HMGCL: variants seen among roughly 807,000 people sequenced by gnomAD.
HMGCL encodes the protein hydroxymethylglutaryl-CoA lyase, mitochondrial.
In HMGCL, 26 loss-of-function variants were observed where a neutral mutation model predicts 37.3. The observed-to-expected ratio is 0.70, with a 90% CI of 0.51 to 0.97. HMGCL has a LOEUF of 0.97. Among genes scored for constraint, HMGCL ranks in the 50% least tolerant of loss-of-function variants. HMGCL has a pLI of 0.00. For synonymous variants in HMGCL, 151 were observed against 148.0 expected (o/e 1.02, Z -0.15); for missense variants, 379 against 398.1 (o/e 0.95, Z 0.41).
chr1:23,817,014 G>A (rs1180210948), intron 3 of HMGCL, among the ~76,000 whole-genome samples: 1 of 152,184 alleles, frequency 6.6e-6, no homozygotes, highest in African/African-American at 2.4e-5. Flanking sequence ...TACATATGCA[G>A]AAACAGCAGG....
At chr1:23,810,503 G>A (rs1638499044) in intron 6 of HMGCL, 1 of 514,436 alleles carries the variant, frequency 1.9e-6, no homozygotes, top group Admixed American at 3.2e-5. Flanking sequence ...TGAATTGGAG[G>A]TTTTCAGGCT....
chr1:23,809,240 T>TATATATATATA (rs56844404), intron 6 of HMGCL: 1 of 82,520 alleles, frequency 1.2e-5, no homozygotes, highest in Non-Finnish European at 2.3e-5. Context: ...ATATATATAT[T>TATATATATATA]TTTTTTTTTT....
At chr1:23,824,717 G>T (rs763857758) in intron 1 of HMGCL, among the ~76,000 whole-genome samples, 1 of 152,230 alleles carries the variant, frequency 6.6e-6, no homozygotes, top group Non-Finnish European at 1.5e-5. Context: ...GAGGTTTAGA[G>T]AAAGTAAATA....
chr1:23,821,523 G>A (rs770619490), intron 1 of HMGCL, among the ~76,000 whole-genome samples: 2 of 151,992 alleles, frequency 1.3e-5, no homozygotes, highest in Non-Finnish European at 2.9e-5. Flanking sequence ...GCCAGGTGTG[G>A]TGGAATGGAC....
chr1:23,820,670 G>A (rs943017885), intron 1 of HMGCL, 77 bp from the exon 2 acceptor site: 10 of 905,180 alleles, frequency 1.1e-5, no homozygotes, highest in African/African-American at 3.3e-5. Flanking sequence ...ATGAAAGAAT[G>A]GATCTATCTT....
intron 7 of HMGCL, among the ~76,000 whole-genome samples, chr1:23,805,039 C>T (rs1340693631): frequency 6.6e-6 from 1 of 152,056 alleles, no homozygotes; most frequent in African/African-American, 2.4e-5. Context: ...ACCCCCTTCC[C>T]CATCCTCATT....
chr1:23,810,854 G>T, intron 5 of HMGCL, 55 bp from the exon 6 acceptor site: 2 of 1,434,438 alleles, frequency 1.4e-6, no homozygotes, highest in Non-Finnish European at 2.0e-6. Flanking sequence ...TTGGCTAGCA[G>T]AACTGAGGCA....
chr1:23,804,879 C>CG (rs1638374169), intron 7 of HMGCL, among the ~76,000 whole-genome samples: 1 of 123,772 alleles, frequency 8.1e-6, no homozygotes, highest in African/African-American at 3.0e-5. Flanking sequence ...ATTTATTACC[C>CG]CCCCCCCACT....
At chr1:23,813,239 T>G (rs1638553839) in intron 5 of HMGCL, among the ~76,000 whole-genome samples, 1 of 145,952 alleles carries the variant, frequency 6.9e-6, no homozygotes, top group African/African-American at 2.5e-5. Context: ...TTTTTTTTTT[T>G]TTTTTTTTTT....
At chr1:23,824,893 A>C (rs1210975348) in intron 1 of HMGCL, among the ~76,000 whole-genome samples, 2 of 152,234 alleles carry the variant, frequency 1.3e-5, no homozygotes, top group African/African-American at 4.8e-5. Context: ...TTCCAAGGGA[A>C]TCACAGCTTG....
chr1:23,815,274 C>T (rs190121300), intron 4 of HMGCL, among the ~76,000 whole-genome samples: 25 of 151,822 alleles, frequency 1.6e-4, no homozygotes, highest in East Asian at 9.8e-4. Flanking sequence ...CCTGGGAAAA[C>T]GGAGGCAAAG....
Position 23,825,126 on chromosome 1 carries a change from G to T in HMGCL, c.60+230C>A, listed in dbSNP as rs143166383. Among the ~76,000 whole-genome samples, 274 of 152,288 alleles carry T rather than the reference G, an allele frequency of 1.8e-3. 2 individuals carry two copies. Among genetic ancestry groups the T allele is most frequent in the African/African-American group, 6.4e-3 (264 of 41,560 alleles). ...TCAGGGCACCTAGGATGGCGTCCCA[G>T]GTCTCCATGACCCAGACAAGTCACT... On this transcript the variant is annotated intron_variant, in intron 1 of 8. Transcript: ENST00000374490.
intron 1 of HMGCL, 63 bp downstream of exon 1, chr1:23,825,293 G>T: frequency 7.3e-7 from 1 of 1,378,132 alleles, no homozygotes; most frequent in Non-Finnish European, 1.0e-6. Context: ...CACGGGCCAA[G>T]CCCCCAACCC....
chr1:23,813,565 GC>G (rs1391896279), intron 5 of HMGCL, among the ~76,000 whole-genome samples: 1 of 152,072 alleles, frequency 6.6e-6, no homozygotes, highest in Admixed American at 6.6e-5. Flanking sequence ...ACCATGCCCG[GC>G]CTCTGGCTGC....
chr1:23,802,686 C>T (rs1029653517), intron 8 of HMGCL, 122 bp from the exon 9 acceptor site: 1 of 739,396 alleles, frequency 1.4e-6, no homozygotes, highest in African/African-American at 1.7e-5. Context: ...CAGGCTTTTT[C>T]CTTGACAGCG....
chr1:23,810,816 G>A lies in HMGCL; in HGVS notation c.498-17C>T. On this transcript the variant is annotated splice_polypyrimidine_tract_variant and intron_variant, in intron 5 of 8. Coordinates refer to ENST00000374490, the MANE Select transcript of HMGCL (RefSeq NM_000191.3). ...GAGACGTACCTGTGGGAAGACAGGG[G>A]AGGAATGAGGTCAGTGTCCTGAGCT... 1 of 1,610,318 alleles carries A rather than the reference G, an allele frequency of 6.2e-7. No individual in the cohort carries two copies. Among genetic ancestry groups the A allele is most frequent in the Non-Finnish European group, 8.5e-7 (1 of 1,176,650 alleles).
rs1324641233 is a variant in HMGCL, at chr1:23,825,355, C to G, written c.60+1G>C. The G allele has an allele frequency of 1.9e-6, 3 of 1,556,934 alleles. No homozygotes were observed. The highest frequency in any genetic ancestry group is 2.6e-6 in the Non-Finnish European group (3 of 1,150,902). ...CCGCCTCGGCGGCTCGGGGCACTTACAGCCCGGAGGGACGCCAAGCCCACC... is the reference window on the plus strand; with the variant it reads ...CCGCCTCGGCGGCTCGGGGCACTTAGAGCCCGGAGGGACGCCAAGCCCACC... On this transcript the variant is annotated splice_donor_variant, in intron 1 of 8. Transcript: ENST00000374490. LOFTEE classifies it high-confidence loss of function.
At chr1:23,811,314 T>C (rs1232594064) in intron 5 of HMGCL, among the ~76,000 whole-genome samples, 2 of 152,222 alleles carry the variant, frequency 1.3e-5, no homozygotes, top group African/African-American at 4.8e-5. Context: ...TCACCTGATG[T>C]TTACTGAGTT....
intron 5 of HMGCL, chr1:23,813,809 GAC>G (rs1638565270): frequency 3.3e-6 from 1 of 305,872 alleles, no homozygotes; most frequent in African/African-American, 2.2e-5. Flanking sequence ...ATAAAGCCAG[GAC>G]TCAACTGACC....
Sources: gnomAD v4.1 joint callset for allele counts (sites outside exome capture counted in the v4.1 genomes callset) on GRCh38, gnomAD v4.1.1 for gene constraint, MANE v1.5 for transcripts, NCBI Gene and HGNC (gene_info 2026-07-23, HGNC 2026-07-21) for gene names.